The following CCSER1 variants were observed in gnomAD, a reference collection of about 807,000 sequenced individuals.
CCSER1 encodes serine-rich coiled-coil domain-containing protein 1.
Under a neutral mutation model 82.0 loss-of-function variants are expected in CCSER1, and 41 were observed. The observed-to-expected ratio is 0.50, with a 90% CI of 0.39 to 0.65. The LOEUF is 0.65. Ranked by LOEUF, CCSER1 falls within the 30% of genes least tolerant of loss-of-function variation. The pLI is 0.00. For synonymous variants in CCSER1, 414 were observed against 383.9 expected (o/e 1.08, Z -0.92); for missense variants, 1,119 against 1,064.2 (o/e 1.05, Z -0.72).
In CCSER1 at chr4:90,477,880, CT is replaced by C. The variant is rs144571728; in HGVS notation, c.1724+9527del. On this transcript the variant is annotated intron_variant, in intron 5 of 10. Transcript: ENST00000509176. Reference sequence around the variant, plus strand: ...ATTAGATATGAATAGAGCATATTTACTGTTAATATTTTAATATTAACATATT... The same window carrying C: ...ATTAGATATGAATAGAGCATATTTACGTTAATATTTTAATATTAACATATT... Among the ~76,000 whole-genome samples, 531 of 152,074 alleles carry C rather than the reference CT, an allele frequency of 3.5e-3. 2 individuals are homozygous for C. The highest frequency in any genetic ancestry group is 0.012 in the African/African-American group (513 of 41,502).
intron 1 of CCSER1, among the ~76,000 whole-genome samples, chr4:90,200,595 G>T (rs1325158224): frequency 6.6e-6 from 1 of 151,972 alleles, no homozygotes; most frequent in Admixed American, 6.6e-5. Flanking sequence ...AAACAGATAA[G>T]ATTACGGCTG....
chr4:90,167,925 C>T (rs901573106), intron 1 of CCSER1, among the ~76,000 whole-genome samples: 107 of 152,158 alleles, frequency 7.0e-4, no homozygotes, highest in Middle Eastern at 3.4e-3. Context: ...AATGGTGCCA[C>T]GATAAACATA....
In CCSER1 at chr4:90,308,241, C is replaced by T. The variant is rs926557009; in HGVS notation, c.-41-3C>T. Reference sequence around the variant, plus strand: ...TTGTTGTTTTTGTTTTAACCTTTCTCAGGCTGCAAAGTTGGCTTTCACAGT... The same window carrying T: ...TTGTTGTTTTTGTTTTAACCTTTCTTAGGCTGCAAAGTTGGCTTTCACAGT... On this transcript the variant is annotated splice_polypyrimidine_tract_variant and splice_region_variant and intron_variant, in intron 1 of 10. Transcript: ENST00000509176. 6.1e-6 allele frequency: 9 copies of T among 1,473,628 alleles called. No homozygotes were observed. Among genetic ancestry groups the T allele is most frequent in the Non-Finnish European group, 7.2e-6 (8 of 1,112,538 alleles). 91.3% of individuals were successfully genotyped at this position (1,473,628 alleles called of 1,614,324 possible). A position where few individuals can be genotyped will look rare whatever the true frequency, so the allele number is the denominator to read the frequency against.
intron 7 of CCSER1, among the ~76,000 whole-genome samples, chr4:90,800,494 G>A (rs1227420634): frequency 6.6e-6 from 1 of 152,164 alleles, no homozygotes; most frequent in East Asian, 1.9e-4. Context: ...GGTAGAATAT[G>A]GCATTTCCTA....
chr4:91,409,785 C>T (rs915499979), intron 10 of CCSER1, among the ~76,000 whole-genome samples: 8 of 152,100 alleles, frequency 5.3e-5, no homozygotes, highest in South Asian at 4.1e-4. Flanking sequence ...TGGGTTCAAG[C>T]GATTCTCCTG....
At chr4:90,313,208 T>C in intron 3 of CCSER1, 161 bp downstream of exon 3, 1 of 618,698 alleles carries the variant, frequency 1.6e-6, no homozygotes, top group African/African-American at 1.8e-5. Flanking sequence ...AAACAAATTT[T>C]TCACCTAGGT....
intron 6 of CCSER1, among the ~76,000 whole-genome samples, chr4:90,697,841 T>C (rs1321318924): frequency 6.6e-6 from 1 of 152,108 alleles, no homozygotes; most frequent in African/African-American, 2.4e-5. Flanking sequence ...GTAATATCCA[T>C]AGGGAGCTTG....
At chr4:91,044,612 C>A (rs1742282744) in intron 9 of CCSER1, among the ~76,000 whole-genome samples, 1 of 152,142 alleles carries the variant, frequency 6.6e-6, no homozygotes. Flanking sequence ...TCCATTTCAT[C>A]CACATCAGTT....
At position 90,310,171 on chromosome 4, in the gene CCSER1, A is replaced by G. The variant is rs142364826; in HGVS notation, c.1324+563A>G. On this transcript the variant is annotated intron_variant, in intron 2 of 10. Transcript: ENST00000509176. ...CAGAATTGTAAGCTTAAAAAAACCT[A>G]TCTTTGGAAGCTGGAGACAGGTTTC... Among the ~76,000 whole-genome samples, 374 of 152,188 alleles carry G rather than the reference A, an allele frequency of 2.5e-3. 3 individuals are homozygous for G. Among genetic ancestry groups the G allele is most frequent in the South Asian group, 0.018 (88 of 4,824 alleles).
intron 9 of CCSER1, among the ~76,000 whole-genome samples, chr4:90,999,884 T>G (rs1581298793): frequency 1.2e-5 from 1 of 81,590 alleles, no homozygotes; most frequent in African/African-American, 2.9e-5. Flanking sequence ...CTGAGGTTTT[T>G]TTTTTTTTTT....
intron 10 of CCSER1, among the ~76,000 whole-genome samples, chr4:91,347,953 C>G (rs900257965): frequency 1.3e-5 from 2 of 151,660 alleles, no homozygotes; most frequent in African/African-American, 4.8e-5. Flanking sequence ...CCCAATCTGT[C>G]TACTTTTTAT....
At chr4:91,186,096 G>A (rs968701411) in intron 10 of CCSER1, among the ~76,000 whole-genome samples, 5 of 152,094 alleles carry the variant, frequency 3.3e-5, no homozygotes, top group African/African-American at 9.7e-5. Flanking sequence ...AAGAGCGATC[G>A]CTCGAGGCGC....
chr4:90,799,101 G>A (rs1756434817), intron 7 of CCSER1, among the ~76,000 whole-genome samples: 1 of 152,144 alleles, frequency 6.6e-6, no homozygotes, highest in Admixed American at 6.5e-5. Flanking sequence ...GGTGAGGGGG[G>A]TCTCTGTTGG....
chr4:90,761,966 T>C (rs943972880), intron 7 of CCSER1, among the ~76,000 whole-genome samples: 1 of 152,000 alleles, frequency 6.6e-6, no homozygotes. Flanking sequence ...ATTATGATCA[T>C]CTGATTATTT....
chr4:91,300,192 A>G (rs953662502), intron 10 of CCSER1, among the ~76,000 whole-genome samples: 10 of 151,988 alleles, frequency 6.6e-5, no homozygotes, highest in Admixed American at 5.3e-4. Context: ...AGCAATATTT[A>G]TATGATCACA....
chr4:90,305,264 G>T (rs549561416), intron 1 of CCSER1, among the ~76,000 whole-genome samples: 6 of 152,212 alleles, frequency 3.9e-5, no homozygotes, highest in Non-Finnish European at 7.4e-5. Flanking sequence ...TTTAAAAATG[G>T]CCAATAAATA....
chr4:91,056,069 T>C (rs1743418022), intron 9 of CCSER1, among the ~76,000 whole-genome samples: 1 of 152,152 alleles, frequency 6.6e-6, no homozygotes. Context: ...CTTATTGATA[T>C]TTCCATTTTG....
intron 1 of CCSER1, among the ~76,000 whole-genome samples, chr4:90,234,054 A>G (rs1410196369): frequency 6.6e-6 from 1 of 152,174 alleles, no homozygotes; most frequent in African/African-American, 2.4e-5. Flanking sequence ...GAAAACAAAT[A>G]CTTTTGAGGT....
At chr4:91,552,159 A>G (rs955781387) in intron 10 of CCSER1, among the ~76,000 whole-genome samples, 2 of 151,746 alleles carry the variant, frequency 1.3e-5, no homozygotes, top group East Asian at 3.8e-4. Flanking sequence ...ACTACCCTCA[A>G]ATTTGCATAG....
Sources: gnomAD v4.1 joint callset for allele counts (sites outside exome capture counted in the v4.1 genomes callset) on GRCh38, gnomAD v4.1.1 for gene constraint, MANE v1.5 for transcripts, NCBI Gene and HGNC (gene_info 2026-07-23, HGNC 2026-07-21) for gene names.